Variants in GNAL observed in about 807,000 individuals in gnomAD.
The protein encoded by GNAL is G protein subunit alpha L.
Under a neutral mutation model 55.1 loss-of-function variants are expected in GNAL, and 18 were observed. That is an observed-to-expected ratio of 0.33 (90% CI 0.23 to 0.48). GNAL has a LOEUF of 0.48. Among genes scored for constraint, GNAL ranks in the 20% least tolerant of loss-of-function variants. The pLI is 0.99. For missense variants in GNAL, 412 were observed against 614.1 expected, an observed-to-expected ratio of 0.67 and a Z score of 3.48; for synonymous variants, 253 against 237.0, an observed-to-expected ratio of 1.07 and a Z score of -0.62.
intron 1 of GNAL, among the ~76,000 whole-genome samples, chr18:11,701,776 A>T (rs970762908): frequency 2.6e-5 from 4 of 152,078 alleles, no homozygotes; most frequent in African/African-American, 9.7e-5. Flanking sequence ...CAAGAAGATG[A>T]AGAAAGTTTG....
At chr18:11,716,896 C>A (rs28888408) in intron 1 of GNAL, among the ~76,000 whole-genome samples, 1 of 152,362 alleles carries the variant, frequency 6.6e-6, no homozygotes, top group East Asian at 1.9e-4. Flanking sequence ...CAGTGGATCC[C>A]GCACGGGGGC....
At chr18:11,867,339 T>C in intron 8 of GNAL, 113 bp downstream of exon 8, 2 of 730,618 alleles carry the variant, frequency 2.7e-6, no homozygotes, top group Non-Finnish European at 4.8e-6. Flanking sequence ...AAGTATAGCA[T>C]TTATAGATTA....
In GNAL at chr18:11,859,873, G is replaced by A. The variant is rs184174169; in HGVS notation, c.723-2522G>A. 2.7e-3 allele frequency among the ~76,000 whole-genome samples: 416 copies of A among 152,068 alleles called. 3 individuals carry two copies. The South Asian group carries it at 0.027, about 10-fold the overall frequency. On this transcript the variant is annotated intron_variant, in intron 5 of 11. Transcript: ENST00000334049. The stretch of plus-strand genomic sequence containing the variant: ...CGATTCTCCTGCCTCAGCCTCCCAA[G>A]TAGCTGGGATTACAGGCATGCGTGC...
intron 1 of GNAL, among the ~76,000 whole-genome samples, chr18:11,704,321 C>T (rs1222588816): frequency 6.6e-6 from 1 of 152,238 alleles, no homozygotes; most frequent in Non-Finnish European, 1.5e-5. Context: ...ATTGGAATGC[C>T]AGAAACAGCC....
At chr18:11,848,373 G>C (rs964666903) in intron 5 of GNAL, among the ~76,000 whole-genome samples, 2 of 152,122 alleles carry the variant, frequency 1.3e-5, no homozygotes, top group African/African-American at 4.8e-5. Context: ...CTCCAGCACA[G>C]AAAGTAGAGG....
chr18:11,729,633 T>C (rs555502517), intron 1 of GNAL, among the ~76,000 whole-genome samples: 30 of 152,184 alleles, frequency 2.0e-4, no homozygotes, highest in Non-Finnish European at 3.8e-4. Flanking sequence ...GATTATATAT[T>C]CTGTGCGAGC....
intron 4 of GNAL, among the ~76,000 whole-genome samples, chr18:11,779,076 A>G (rs1350459763): frequency 6.6e-6 from 1 of 152,170 alleles, no homozygotes; most frequent in Non-Finnish European, 1.5e-5. Flanking sequence ...AAAGAGCCAG[A>G]GACAGCACGT....
intron 4 of GNAL, among the ~76,000 whole-genome samples, chr18:11,754,363 G>C (rs1224774302): frequency 6.6e-6 from 1 of 151,472 alleles, no homozygotes; most frequent in African/African-American, 2.4e-5. Flanking sequence ...GTTGCCATGA[G>C]CCGAGATCAC....
intron 4 of GNAL, among the ~76,000 whole-genome samples, chr18:11,790,676 T>TTA (rs2034208887): frequency 1.4e-5 from 2 of 143,046 alleles, no homozygotes; most frequent in South Asian, 2.2e-4. Context: ...TTTTTTTTTT[T>TTA]GAGACAGTCT....
In GNAL at chr18:11,851,682, C is replaced by T. The variant is rs560442928; in HGVS notation, c.723-10713C>T. ...GGATACACGCCGAAAATGCCATCCG[C>T]CAGAAGAACCAGGCGGTGAATTTCT... On this transcript the variant is annotated intron_variant, in intron 5 of 11. Coordinates refer to ENST00000334049, the MANE Select transcript of GNAL (RefSeq NM_182978.4). 3.5e-5 allele frequency: 56 copies of T among 1,614,006 alleles called. No individual in the cohort carries two copies. In the Admixed American group the frequency reaches 9.3e-4, roughly 27 times the overall value.
Position 11,851,333 on chromosome 18 carries a change from C to G in GNAL, c.723-11062C>G, listed in dbSNP as rs529287966. The G allele has an allele frequency of 1.6e-4, 126 of 779,570 alleles. No individual in the cohort carries two copies. The African/African-American group carries it at 2.0e-3, about 12-fold the overall frequency. 48.3% of individuals were successfully genotyped at this position (779,570 alleles called of 1,614,324 possible). ...CCCACAGGCCCCACCCCGGCGCCTT[C>G]CGTCCCGCAGGCTCCGCCTTTGGCG... On this transcript the variant is annotated intron_variant, in intron 5 of 11. Coordinates refer to ENST00000334049, the MANE Select transcript of GNAL (RefSeq NM_182978.4).
At chr18:11,862,309 T>G (rs371542953) in intron 5 of GNAL, 86 bp from the exon 6 acceptor site, 1 of 996,138 alleles carries the variant, frequency 1.0e-6, no homozygotes, top group Admixed American at 1.8e-5. Flanking sequence ...CTTGCTGTAC[T>G]TGGGTGATGT....
chr18:11,859,793 T>C (rs2143825587), intron 5 of GNAL, among the ~76,000 whole-genome samples: 1 of 152,086 alleles, frequency 6.6e-6, no homozygotes, highest in African/African-American at 2.4e-5. Context: ...TCGCCCAGGC[T>C]GGAGTGCAGT....
At chr18:11,808,844 T>C (rs1202915123) in intron 4 of GNAL, among the ~76,000 whole-genome samples, 1 of 152,272 alleles carries the variant, frequency 6.6e-6, no homozygotes, top group Non-Finnish European at 1.5e-5. Flanking sequence ...TGCTGACACA[T>C]GCCATATCAG....
intron 11 of GNAL, among the ~76,000 whole-genome samples, chr18:11,877,706 C>T (rs1316532317): frequency 1.3e-5 from 2 of 151,886 alleles, no homozygotes; most frequent in African/African-American, 4.8e-5. Context: ...AGGGCTGATC[C>T]TCGGCTGTGG....
chr18:11,879,249 A>G (rs1401780214), intron 11 of GNAL, among the ~76,000 whole-genome samples: 3 of 151,790 alleles, frequency 2.0e-5, no homozygotes, highest in Non-Finnish European at 1.5e-5. Context: ...TGACATCTTT[A>G]GGATACCCTT....
chr18:11,785,255 T>C (rs552372143), intron 4 of GNAL, among the ~76,000 whole-genome samples: 1 of 151,778 alleles, frequency 6.6e-6, no homozygotes, highest in South Asian at 2.1e-4. Flanking sequence ...GGGATAAAGA[T>C]GAGGTCATTG....
At chr18:11,799,636 T>C (rs1339941374) in intron 4 of GNAL, among the ~76,000 whole-genome samples, 1 of 152,110 alleles carries the variant, frequency 6.6e-6, no homozygotes, top group African/African-American at 2.4e-5. Context: ...CTGGAGTATT[T>C]CAAATTTCAG....
intron 4 of GNAL, among the ~76,000 whole-genome samples, chr18:11,769,179 T>G (rs2033554160): frequency 9.0e-6 from 1 of 110,926 alleles, no homozygotes; most frequent in Non-Finnish European, 2.0e-5. Context: ...TATATTATAA[T>G]ATAGATTATA....
Sources: allele counts gnomAD v4.1 joint callset (sites outside exome capture counted in the v4.1 genomes callset), GRCh38; gene constraint gnomAD v4.1.1; transcripts MANE v1.5; gene names NCBI Gene and HGNC (gene_info 2026-07-23, HGNC 2026-07-21).